RPS29: variants seen among roughly 807,000 people sequenced by gnomAD.
The protein encoded by RPS29 is ribosomal protein S29, also known as small ribosomal subunit protein uS14.
For synonymous variants in RPS29, 37 were observed against 26.9 expected (o/e 1.37, Z -1.16); for missense variants, 60 against 75.7 (o/e 0.79, Z 0.77).
At chr14:49,584,911 T>A (rs1277671135) in intron 2 of RPS29, among the ~76,000 whole-genome samples, 1 of 132,846 alleles carries the variant, frequency 7.5e-6, no homozygotes, top group Non-Finnish European at 1.6e-5. Context: ...TTTAAAAGAT[T>A]TTCAGAAGCC....
chr14:49,580,727 G>T (rs1036677552), downstream of RPS29, among the ~76,000 whole-genome samples: 8 of 151,984 alleles, frequency 5.3e-5, no homozygotes, highest in African/African-American at 1.7e-4. Flanking sequence ...CAAAAAATCA[G>T]CCAGGCGTGG....
upstream of RPS29, chr14:49,586,611 A>G: frequency 2.0e-6 from 1 of 496,572 alleles, no homozygotes; most frequent in East Asian, 3.6e-5. Context: ...CTGTAGTCCC[A>G]GCTACTCGGG....
intron 1 of RPS29, among the ~76,000 whole-genome samples, chr14:49,592,799 T>A (rs987619855): frequency 8.6e-5 from 13 of 151,412 alleles, no homozygotes; most frequent in Non-Finnish European, 1.9e-4. Context: ...TCCCAGCTAC[T>A]CAGGAGGCTG....
chr14:49,577,526 T>C, exon 3 of RPS29: 1 of 569,224 alleles, frequency 1.8e-6, no homozygotes, highest in Non-Finnish European at 3.2e-6. Flanking sequence ...TAAGATTTGT[T>C]GCTCACCAGC....
upstream of RPS29, among the ~76,000 whole-genome samples, chr14:49,587,167 CA>C (rs769466328): frequency 1.3e-4 from 19 of 149,288 alleles, no homozygotes; most frequent in Admixed American, 5.3e-4. Context: ...TACACCATTC[CA>C]AAAAAAAATG....
chr14:49,582,028 A>AC (rs1881353845), downstream of RPS29, among the ~76,000 whole-genome samples: 1 of 151,748 alleles, frequency 6.6e-6, no homozygotes, highest in African/African-American at 2.4e-5. Context: ...AAAAAAAAAA[A>AC]AAAAAACTTA....
chr14:49,586,194 C>T lies in RPS29; in HGVS notation c.62+91G>A. On this transcript the variant is annotated intron_variant, in intron 1 of 2. Transcript: ENST00000245458. ...CAGCGACTCCCAGTCGGCGTGCTCC[C>T]TCGTGCCGCCCGTGGCCTCCTCTAC... The T allele has an allele frequency of 2.7e-6, 4 of 1,458,530 alleles. No homozygotes were observed. The South Asian group carries it at 3.4e-5, about 12-fold the overall frequency. The allele number at this position is 1,458,530 out of a possible 1,614,324, so 90.3% of individuals were successfully genotyped here. A position where few individuals can be genotyped will look rare whatever the true frequency, so the allele number is the denominator to read the frequency against.
chr14:49,578,538 C>T (rs1184518938), intron 2 of RPS29, among the ~76,000 whole-genome samples: 3 of 143,800 alleles, frequency 2.1e-5, no homozygotes, highest in Non-Finnish European at 3.0e-5. Flanking sequence ...TGTAGACTAC[C>T]AATATTTACC....
At chr14:49,588,876 CTTT>C (rs577408713), upstream of RPS29, among the ~76,000 whole-genome samples, 2 of 92,504 alleles carry the variant, frequency 2.2e-5, no homozygotes, top group East Asian at 2.9e-4. Flanking sequence ...TTTCTGAGTC[CTTT>C]TTTTTTTTTT....
chr14:49,598,423 A>C, exon 1 of RPS29: 1 of 700,258 alleles, frequency 1.4e-6, no homozygotes, highest in South Asian at 1.5e-5. Context: ...TTATTTGTTC[A>C]GCAGGAATTG....
At chr14:49,586,570 G>C (rs113644530), upstream of RPS29, 2 of 558,666 alleles carry the variant, frequency 3.6e-6, no homozygotes, top group Non-Finnish European at 3.2e-6. Context: ...TTCTGCGCCG[G>C]TATCCGACCG....
At chr14:49,585,192 A>AC (rs1333626437) in intron 2 of RPS29, 2 of 151,948 alleles carry the variant, frequency 1.3e-5, no homozygotes, top group East Asian at 3.9e-4. Context: ...ACATGGTAAA[A>AC]CCCCGTCTCT....
intron 1 of RPS29, chr14:49,597,659 C>CTTT (rs34224175): frequency 2.2e-3 from 322 of 147,616 alleles, no homozygotes; most frequent in Middle Eastern, 6.8e-3. Flanking sequence ...AAAGTAATTT[C>CTTT]TTTTTTTTTT....
chr14:49,583,471 A>C, downstream of RPS29: 5 of 508,104 alleles, frequency 9.8e-6, no homozygotes, highest in Non-Finnish European at 1.7e-5. Context: ...GCGCCACTGC[A>C]CTCCAGCCTG....
rs1354511680 is a variant in RPS29, at chr14:49,577,855, T to G, written c.163-2A>C. ...CCAAGGAAGACAGCTCAGGTCTTTC[T>G]GTAATGGTAAAAGAGGACCCATAAA... On this transcript the variant is annotated splice_acceptor_variant, in intron 2 of 2. Transcript: ENST00000396020. LOFTEE classifies it high-confidence loss of function. 1.3e-6 allele frequency: 2 copies of G among 1,585,742 alleles called. No individual in the cohort carries two copies. The highest frequency in any genetic ancestry group is 1.8e-5 in the Admixed American group (1 of 54,810).
intron 1 of RPS29, among the ~76,000 whole-genome samples, chr14:49,595,400 A>G (rs144031940): frequency 6.6e-6 from 1 of 152,088 alleles, no homozygotes; most frequent in Non-Finnish European, 1.5e-5. Flanking sequence ...AGACTAGGCA[A>G]CATAGCAAGA....
exon 3 of RPS29, chr14:49,573,063 G>C (rs1194192392): frequency 7.0e-6 from 1 of 141,996 alleles, no homozygotes; most frequent in Non-Finnish European, 1.5e-5. Context: ...GTGAGACCCT[G>C]TCTCCAAAGA....
At chr14:49,578,519 C>T (rs1025736674) in intron 2 of RPS29, among the ~76,000 whole-genome samples, 9 of 143,854 alleles carry the variant, frequency 6.3e-5, no homozygotes, top group Admixed American at 4.8e-4. Context: ...AAATTTCTTT[C>T]GGCAATTTTG....
intron 1 of RPS29, chr14:49,598,368 G>A: frequency 1.5e-6 from 1 of 658,444 alleles, no homozygotes; most frequent in Non-Finnish European, 2.8e-6. Context: ...CGTCTCAGGT[G>A]CAGTTAAGCC....
Sources: gnomAD v4.1 joint callset for allele counts (sites outside exome capture counted in the v4.1 genomes callset) on GRCh38, gnomAD v4.1.1 for gene constraint, MANE v1.5 for transcripts, NCBI Gene and HGNC (gene_info 2026-07-23, HGNC 2026-07-21) for gene names.